Variants in CCDC148 observed in about 807,000 individuals in gnomAD.
CCDC148 encodes the protein coiled-coil domain-containing protein 148.
A neutral mutation model predicts 85.7 loss-of-function variants in CCDC148; 89 were observed. The ratio of observed to expected loss-of-function variants is 1.04; its 90% CI spans 0.87 to 1.24. CCDC148 has a LOEUF of 1.24. Ranked by LOEUF, CCDC148 falls within the 50% of genes most tolerant of loss-of-function variation. The pLI is 0.00. For synonymous variants in CCDC148, 230 were observed against 213.9 expected, an observed-to-expected ratio of 1.08 and a Z score of -0.66; for missense variants, 692 against 671.7, an observed-to-expected ratio of 1.03 and a Z score of -0.33.
chr2:158,358,893 T>C (rs2105267150), intron 1 of CCDC148, among the ~76,000 whole-genome samples: 1 of 152,202 alleles, frequency 6.6e-6, no homozygotes, highest in South Asian at 2.1e-4. Context: ...GTTAACCCAT[T>C]CTTTTTATTT....
chr2:158,226,883 T>C (rs983952488), intron 10 of CCDC148, among the ~76,000 whole-genome samples: 2 of 152,154 alleles, frequency 1.3e-5, no homozygotes, highest in African/African-American at 4.8e-5. Context: ...GCATTCCCTT[T>C]GAAAACTGGC....
chr2:158,202,232 G>A (rs1438744655), intron 11 of CCDC148, among the ~76,000 whole-genome samples: 5 of 152,050 alleles, frequency 3.3e-5, no homozygotes, highest in Non-Finnish European at 5.9e-5. Context: ...TTCCCACTTT[G>A]GGCAAAATTA....
At chr2:158,336,311 T>C (rs1028078021) in intron 7 of CCDC148, among the ~76,000 whole-genome samples, 4 of 152,234 alleles carry the variant, frequency 2.6e-5, no homozygotes, top group Non-Finnish European at 5.9e-5. Context: ...ATCACTCTTT[T>C]ACTCTTTCTT....
chr2:158,454,795 G>A (rs767426431), intron 1 of CCDC148, among the ~76,000 whole-genome samples: 6 of 152,222 alleles, frequency 3.9e-5, no homozygotes, highest in African/African-American at 9.6e-5. Flanking sequence ...GCTTAGTAGC[G>A]CAGGAGCAAG....
At chr2:158,312,578 C>CAAAAAAAAAAAAAAAAAACAAAA (rs1692080501) in intron 8 of CCDC148, among the ~76,000 whole-genome samples, 1 of 76,116 alleles carries the variant, frequency 1.3e-5, no homozygotes, top group Non-Finnish European at 2.3e-5. Context: ...GAATCCATCT[C>CAAAAAAAAAAAAAAAAAACAAAA]AAAAAAAAAA....
chr2:158,183,829 G>A (rs1224354465), intron 11 of CCDC148, among the ~76,000 whole-genome samples: 3 of 152,106 alleles, frequency 2.0e-5, no homozygotes, highest in African/African-American at 7.2e-5. Flanking sequence ...GCATCACGGG[G>A]AACCTGTTTC....
chr2:158,252,295 A>G (rs1688826437), intron 9 of CCDC148, among the ~76,000 whole-genome samples: 1 of 151,594 alleles, frequency 6.6e-6, no homozygotes, highest in Non-Finnish European at 1.5e-5. Context: ...GGAAATTTCT[A>G]CTCCCGTTTT....
chr2:158,235,047 T>TA (rs1688037666), intron 10 of CCDC148, among the ~76,000 whole-genome samples: 1 of 152,156 alleles, frequency 6.6e-6, no homozygotes, highest in Non-Finnish European at 1.5e-5. Flanking sequence ...ACCTGGGTGA[T>TA]ACAATAATCT....
At chr2:158,445,683 A>G (rs1270611406) in intron 1 of CCDC148, among the ~76,000 whole-genome samples, 1 of 152,200 alleles carries the variant, frequency 6.6e-6, no homozygotes, top group Non-Finnish European at 1.5e-5. Context: ...TCTCATTCAC[A>G]CATCTCTGTA....
chr2:158,375,810 C>T (rs374743131), intron 1 of CCDC148, among the ~76,000 whole-genome samples: 85 of 152,208 alleles, frequency 5.6e-4, no homozygotes, highest in African/African-American at 2.0e-3. Flanking sequence ...GCATGAAATG[C>T]GGACGTAAAG....
chr2:158,348,455 T>C (rs557522589), intron 2 of CCDC148, among the ~76,000 whole-genome samples: 1 of 151,496 alleles, frequency 6.6e-6, no homozygotes, highest in Non-Finnish European at 1.5e-5. Context: ...AAAAGTATAA[T>C]GTACAGACCA....
chr2:158,416,299 A>G (rs1256808552), intron 1 of CCDC148, among the ~76,000 whole-genome samples: 1 of 152,172 alleles, frequency 6.6e-6, no homozygotes, highest in East Asian at 1.9e-4. Context: ...AAATGCCTTG[A>G]AGGCATTTTC....
chr2:158,427,854 G>A (rs1438920507), intron 1 of CCDC148, among the ~76,000 whole-genome samples: 1 of 152,090 alleles, frequency 6.6e-6, no homozygotes, highest in Non-Finnish European at 1.5e-5. Flanking sequence ...CTGGGTGGCA[G>A]GGTAAGACTT....
chr2:158,397,245 A>C (rs1685562066), intron 1 of CCDC148, among the ~76,000 whole-genome samples: 1 of 152,172 alleles, frequency 6.6e-6, no homozygotes, highest in Non-Finnish European at 1.5e-5. Context: ...TAGACAAGGC[A>C]GGCCAACATT....
At chr2:158,271,728 T>C (rs2105163125) in intron 9 of CCDC148, among the ~76,000 whole-genome samples, 1 of 152,344 alleles carries the variant, frequency 6.6e-6, no homozygotes, top group Middle Eastern at 3.4e-3. Flanking sequence ...CAGAATTTGG[T>C]ACTATCTGTG....
intron 1 of CCDC148, among the ~76,000 whole-genome samples, chr2:158,427,537 T>A (rs1687131856): frequency 6.6e-6 from 1 of 152,078 alleles, no homozygotes; most frequent in Non-Finnish European, 1.5e-5. Flanking sequence ...GGAAAGGATA[T>A]TTCAAACAGA....
rs866173106 is a variant in CCDC148 at position 158,291,062 on chromosome 2, C to T, written c.1110+18371G>A. Among the ~76,000 whole-genome samples, 51 of 152,092 alleles carry T rather than the reference C, an allele frequency of 3.4e-4. No individual in the cohort carries two copies. In the Middle Eastern group the frequency reaches 0.017, roughly 51 times the overall value. On this transcript the variant is annotated intron_variant, in intron 9 of 13. Transcript: ENST00000283233. ...TGACTCCCCACCTCTAGCCCTCTCT[C>T]CATAAAATCCATCGCTGCCCCTAAC...
At chr2:158,329,239 C>T (rs1002746803) in intron 7 of CCDC148, among the ~76,000 whole-genome samples, 1 of 152,176 alleles carries the variant, frequency 6.6e-6, no homozygotes, top group Non-Finnish European at 1.5e-5. Flanking sequence ...ATATGGCTAG[C>T]CAGTTTTCCC....
At chr2:158,280,256 G>A (rs932127073) in intron 9 of CCDC148, among the ~76,000 whole-genome samples, 1 of 152,098 alleles carries the variant, frequency 6.6e-6, no homozygotes, top group Non-Finnish European at 1.5e-5. Flanking sequence ...ATAATCACAG[G>A]TTCAAATTCA....
Sources: gnomAD v4.1 joint callset for allele counts (sites outside exome capture counted in the v4.1 genomes callset) on GRCh38, gnomAD v4.1.1 for gene constraint, MANE v1.5 for transcripts, NCBI Gene and HGNC (gene_info 2026-07-23, HGNC 2026-07-21) for gene names.